The following SCN9A variants were observed in gnomAD, a reference collection of about 807,000 sequenced individuals.
SCN9A encodes the protein sodium channel protein type 9 subunit alpha.
In SCN9A, 131 loss-of-function variants were observed where a neutral mutation model predicts 187.0. The observed-to-expected ratio is 0.70, with a 90% CI of 0.61 to 0.81. The LOEUF (loss-of-function observed/expected upper bound fraction) is 0.81. SCN9A is among the 30% of genes least tolerant of loss of function. The pLI, the probability that SCN9A is intolerant of heterozygous loss-of-function variation, is 0.00. For missense variants in SCN9A, 2,252 were observed against 2,396.6 expected, an observed-to-expected ratio of 0.94 and a Z score of 1.26; for synonymous variants, 809 against 808.6, an observed-to-expected ratio of 1.00 and a Z score of -0.01.
chr2:166,282,135 T>C (rs1697517773), intron 12 of SCN9A, among the ~76,000 whole-genome samples: 1 of 152,328 alleles, frequency 6.6e-6, no homozygotes, highest in East Asian at 1.9e-4. Flanking sequence ...CCTTTCTGAG[T>C]GTTCAATTTA....
At chr2:166,321,291 G>A (rs185993526) in intron 1 of SCN9A, 2 of 152,178 alleles carry the variant, frequency 1.3e-5, no homozygotes, top group East Asian at 1.9e-4. Flanking sequence ...AGGCCAAGGC[G>A]GGTGAATCAC....
rs544004654 is a variant in SCN9A, at chr2:166,288,616, T to C, written c.1135A>G (p.Met379Val). 4.9e-5 allele frequency: 79 copies of C among 1,606,832 alleles called. No homozygotes were observed. In the South Asian group the frequency reaches 7.3e-4, roughly 15 times the overall value. Residue 379 changes from methionine (M) to valine (V), a missense_variant, in exon 10 of 27, where the codon ATG becomes GTG. Met to Val is a conservative substitution (Grantham distance 21). Coordinates refer to ENST00000642356, the MANE Select transcript of SCN9A (RefSeq NM_001365536.1). ...AAAATCACTACGACAAAGAAGATCA[T>C]GTAGGTTTTGCCAGCAGCACGCAGC... ...QTLRAAGKTY[M>V]IFFVVVIFLG...
chr2:166,344,582 C>G (rs995082853), intron 1 of SCN9A, among the ~76,000 whole-genome samples: 1 of 152,178 alleles, frequency 6.6e-6, no homozygotes, highest in Admixed American at 6.5e-5. Context: ...ATTATACTAG[C>G]AATTCATCAG....
chr2:166,210,756 G>T lies in SCN9A; in HGVS notation c.4399-6292C>A, dbSNP rs115778390. 3.2e-3 allele frequency among the ~76,000 whole-genome samples: 482 copies of T among 152,094 alleles called. 3 individuals carry two copies. Among genetic ancestry groups the T allele is most frequent in the African/African-American group, 0.011 (468 of 41,528 alleles). Reference sequence around the variant, plus strand: ...CAGGAAACTCAAAGAATCCCAAATAGGACAAATCTAAAGAAGTCTCGGCTG... The same window carrying T: ...CAGGAAACTCAAAGAATCCCAAATATGACAAATCTAAAGAAGTCTCGGCTG... On this transcript the variant is annotated intron_variant, in intron 24 of 26. Transcript: ENST00000642356.
intron 1 of SCN9A, among the ~76,000 whole-genome samples, chr2:166,324,046 A>C (rs545099670): frequency 6.6e-6 from 1 of 151,530 alleles, no homozygotes; most frequent in Non-Finnish European, 1.5e-5. Context: ...AAATAGCTAC[A>C]TGCTCACAAC....
At chr2:166,304,078 C>T in intron 6 of SCN9A, 160 bp downstream of exon 6, 1 of 1,613,552 alleles carries the variant, frequency 6.2e-7, no homozygotes. Flanking sequence ...TCTGAATGTT[C>T]TCAATGCTGA....
chr2:166,252,279 A>G (rs1311586197), intron 17 of SCN9A, among the ~76,000 whole-genome samples: 1 of 152,046 alleles, frequency 6.6e-6, no homozygotes, highest in Admixed American at 6.6e-5. Context: ...TATTTGCAAT[A>G]TAATACAAGT....
chr2:166,238,453 T>C (rs1471307156), intron 19 of SCN9A, among the ~76,000 whole-genome samples, 186 bp from the exon 20 acceptor site: 5 of 152,350 alleles, frequency 3.3e-5, no homozygotes, highest in African/African-American at 1.2e-4. Flanking sequence ...TCACCAGTGC[T>C]GCTGCTGGTC....
At chr2:166,326,979 T>C (rs539669267) in intron 1 of SCN9A, among the ~76,000 whole-genome samples, 9 of 152,272 alleles carry the variant, frequency 5.9e-5, no homozygotes, top group African/African-American at 1.9e-4. Context: ...TGTTTAGCAT[T>C]GCAATTAAAA....
intron 1 of SCN9A, among the ~76,000 whole-genome samples, chr2:166,353,873 T>C (rs1416700372): frequency 6.6e-6 from 1 of 152,210 alleles, no homozygotes; most frequent in African/African-American, 2.4e-5. Flanking sequence ...GTCTTAGGCA[T>C]GTATTATCAC....
chr2:166,366,873 C>T (rs1401823569), intron 1 of SCN9A, among the ~76,000 whole-genome samples: 1 of 152,114 alleles, frequency 6.6e-6, no homozygotes, highest in African/African-American at 2.4e-5. Context: ...AAAAAAATTG[C>T]ATGCAAAAAT....
At chr2:166,277,558 A>G (rs1393646931) in intron 15 of SCN9A, among the ~76,000 whole-genome samples, 1 of 152,172 alleles carries the variant, frequency 6.6e-6, no homozygotes, top group Non-Finnish European at 1.5e-5. Flanking sequence ...TTATGAAGAA[A>G]CTATGTACTT....
chr2:166,210,565 G>A (rs1694043005), intron 24 of SCN9A, among the ~76,000 whole-genome samples: 1 of 144,192 alleles, frequency 6.9e-6, no homozygotes, highest in Admixed American at 6.8e-5. Context: ...CCAGTCAGTG[G>A]AGCAAGAAGA....
chr2:166,308,609 T>C (rs1050710499), intron 2 of SCN9A, among the ~76,000 whole-genome samples: 1 of 152,066 alleles, frequency 6.6e-6, no homozygotes, highest in Non-Finnish European at 1.5e-5. Flanking sequence ...TCTCAGGTAG[T>C]TCTTTATAGC....
In SCN9A at chr2:166,305,918, T is replaced by C. The variant is rs1425019963; in HGVS notation, c.470A>G (p.Tyr157Cys). 2 of 1,612,656 alleles carry C rather than the reference T, an allele frequency of 1.2e-6. No homozygotes were observed. The highest frequency in any genetic ancestry group is 1.7e-6 in the Non-Finnish European group (2 of 1,179,222). ...NPPDWTKNVEYTFTGIYTFES... is the reference protein window; with the variant it reads ...NPPDWTKNVECTFTGIYTFES... Reference sequence around the variant, plus strand: ...AAAAGTATATATTCCAGTAAAAGTGTACCTAAACACAAGATTCCATTGGGA... The same window carrying C: ...AAAAGTATATATTCCAGTAAAAGTGCACCTAAACACAAGATTCCATTGGGA... Residue 157 changes from tyrosine to cysteine, a missense_variant and splice_region_variant, in exon 5 of 27, where the codon TAC (tyrosine) becomes TGC (cysteine). This residue lies in a region of SCN9A where 1,013 missense variants were observed against 997.4 expected (regional missense o/e 1.02). Transcript: ENST00000642356.
chr2:166,227,744 G>A (rs1329811437), intron 22 of SCN9A, 21 bp from the exon 23 acceptor site: 1 of 1,222,498 alleles, frequency 8.2e-7, no homozygotes. Flanking sequence ...AACATTAATA[G>A]AATTTGAATG....
In SCN9A at chr2:166,318,892, A is replaced by G. The variant is rs1230162550; in HGVS notation, c.-50-7086T>C. 9.8e-5 allele frequency among the ~76,000 whole-genome samples: 15 copies of G among 152,290 alleles called. No homozygotes were observed. In the East Asian group the frequency reaches 2.9e-3, roughly 29 times the overall value. On this transcript the variant is annotated intron_variant, in intron 1 of 26. Coordinates refer to ENST00000642356, the MANE Select transcript of SCN9A (RefSeq NM_001365536.1). ...TTTAAAAATTAAAAAAGTACAAAAT[A>G]AAACTTAGAAGATACAGAATAATCC... is the stretch of plus-strand genomic sequence containing the variant.
intron 24 of SCN9A, 128 bp from the exon 25 acceptor site, chr2:166,204,592 AG>A: frequency 1.9e-6 from 1 of 515,056 alleles, no homozygotes; most frequent in Non-Finnish European, 3.3e-6. Context: ...TGTTCATGAT[AG>A]CTATACATAA....
At chr2:166,222,961 A>AAAAAAAAAAAAAAAAAAAAAAAAAAAAC (rs1558960939) in intron 24 of SCN9A, among the ~76,000 whole-genome samples, 1 of 140,480 alleles carries the variant, frequency 7.1e-6, no homozygotes, top group Non-Finnish European at 1.5e-5. Context: ...AAAAAAAAAA[A>AAAAAAAAAAAAAAAAAAAAAAAAAAAAC]AAAAAAAAAA....
Sources: gnomAD v4.1 joint callset for allele counts (sites outside exome capture counted in the v4.1 genomes callset) on GRCh38, gnomAD v4.1.1 for gene constraint, gnomAD v4.1.1 regional missense constraint, MANE v1.5 for transcripts, NCBI Gene and HGNC (gene_info 2026-07-23, HGNC 2026-07-21) for gene names.